TENM3: variants seen among roughly 807,000 people sequenced by gnomAD.
TENM3 encodes the protein teneurin transmembrane protein 3, also known as teneurin-3.
Under a neutral mutation model 255.1 loss-of-function variants are expected in TENM3, and 63 were observed. The ratio of observed to expected loss-of-function variants is 0.25; its 90% confidence interval spans 0.20 to 0.30. TENM3 has a LOEUF of 0.30. Among genes scored for constraint, TENM3 ranks in the 10% least tolerant of loss-of-function variants. TENM3 has a pLI of 1.00. For missense variants in TENM3, 2,929 were observed against 3,461.1 expected (o/e 0.85, Z 3.86); for synonymous variants, 1,306 against 1,322.3 (o/e 0.99, Z 0.27).
chr4:181,957,831 T>G, the TENM3 span, among the ~76,000 whole-genome samples: 2 of 152,308 alleles, frequency 1.3e-5, no homozygotes, highest in African/African-American at 4.8e-5. Context: ...ACCTTGTGGC[T>G]CAGCGCACTA....
At chr4:182,232,643 C>T (rs966318310) in intron 1 of TENM3, among the ~76,000 whole-genome samples, 4 of 151,864 alleles carry the variant, frequency 2.6e-5, no homozygotes, top group Admixed American at 6.6e-5. Flanking sequence ...TTGCAGTGAG[C>T]GGAGATCGCG....
chr4:182,439,970 G>T (rs553427927), intron 3 of TENM3, among the ~76,000 whole-genome samples: 11 of 152,182 alleles, frequency 7.2e-5, no homozygotes, highest in African/African-American at 2.4e-4. Flanking sequence ...CAAGATTCCA[G>T]CTTGGCTGGT....
chr4:182,621,398 G>T (rs1273929438), intron 4 of TENM3, among the ~76,000 whole-genome samples: 1 of 151,016 alleles, frequency 6.6e-6, no homozygotes, highest in Non-Finnish European at 1.5e-5. Context: ...AATCTCAAAA[G>T]TACCTCTTCT....
intron 4 of TENM3, among the ~76,000 whole-genome samples, chr4:182,620,009 T>A (rs1489491889): frequency 6.6e-6 from 1 of 152,148 alleles, no homozygotes; most frequent in African/African-American, 2.4e-5. Context: ...GTAAAGAAAA[T>A]TTCTGCCTTT....
intron 3 of TENM3, among the ~76,000 whole-genome samples, chr4:182,386,887 G>A (rs1767978355): frequency 6.6e-6 from 1 of 152,228 alleles, no homozygotes; most frequent in Non-Finnish European, 1.5e-5. Context: ...GCCGCCCCCT[G>A]TTCCACGGCG....
the TENM3 span, among the ~76,000 whole-genome samples, chr4:181,986,758 A>G: frequency 1.3e-5 from 2 of 152,088 alleles, no homozygotes; most frequent in Non-Finnish European, 2.9e-5. Context: ...CATATCCAGA[A>G]CTACAAAATC....
the TENM3 span, among the ~76,000 whole-genome samples, chr4:181,581,941 C>G: frequency 6.6e-6 from 1 of 152,110 alleles, no homozygotes; most frequent in Non-Finnish European, 1.5e-5. Context: ...CCATGTTACC[C>G]AGGCTGGTCT....
At chr4:182,217,478 C>T (rs911190227) in intron 1 of TENM3, among the ~76,000 whole-genome samples, 1 of 152,170 alleles carries the variant, frequency 6.6e-6, no homozygotes, top group Non-Finnish European at 1.5e-5. Flanking sequence ...GAACCCCTCG[C>T]CTAACCTAGT....
At chr4:181,902,257 C>T in the TENM3 span, among the ~76,000 whole-genome samples, 1 of 151,220 alleles carries the variant, frequency 6.6e-6, no homozygotes, top group African/African-American at 2.4e-5. Flanking sequence ...GGATATTAGA[C>T]CTTTATCAGA....
At chr4:181,469,339 T>C in the TENM3 span, among the ~76,000 whole-genome samples, 2 of 152,172 alleles carry the variant, frequency 1.3e-5, no homozygotes, top group Admixed American at 1.3e-4. Context: ...TCCATATATA[T>C]AATATGAATT....
chr4:181,737,664 A>C, the TENM3 span, among the ~76,000 whole-genome samples: 4 of 152,112 alleles, frequency 2.6e-5, no homozygotes, highest in Non-Finnish European at 4.4e-5. Context: ...AGATAATTTA[A>C]GGATTCCTTG....
chr4:182,623,727 A>C (rs4458491), intron 4 of TENM3, among the ~76,000 whole-genome samples: 77,619 of 152,004 alleles, frequency 0.51, 21,187 homozygotes, highest in Non-Finnish European at 0.63. Flanking sequence ...TGAGCACAGC[A>C]GGGAGCTTCT....
rs1397875171 is a variant in TENM3, at chr4:182,731,131, G to A, written c.2959G>A (p.Glu987Lys). Residue 987 changes from glutamate (E) to lysine (K), a missense_variant, in exon 16 of 28, where the codon GAA becomes AAA. By Grantham distance (56) the Glu-to-Lys change is moderately conservative. This residue lies in a region of TENM3 where 1,608 missense variants were observed against 1,884.4 expected (regional missense o/e 0.85). Transcript: ENST00000511685. ...SSPEDSPIIP[E>K]TQVLHEETTI... ...TCCTGAAGACAGTCCCATCATTCCC[G>A]AAACACAGGTAAAATATTCTCACAG... 2.5e-6 allele frequency: 4 copies of A among 1,613,052 alleles called. No individual in the cohort carries two copies. The highest frequency in any genetic ancestry group is 1.7e-5 in the Admixed American group (1 of 59,996).
chr4:182,792,897 G>A lies in TENM3; in HGVS notation c.6225G>A (p.Met2075Ile), dbSNP rs759907837. ...ACCAGATCATTTCTACAGCTGTAAT[G>A]ACCTATACGAAGCACTTTGATGCTC... is the stretch of plus-strand genomic sequence containing the variant. ...DINQIISTAV[M>I]TYTKHFDAHG... Residue 2075 changes from methionine (M) to isoleucine (I), a missense_variant, in exon 26 of 28, where the codon ATG (methionine) becomes ATA (isoleucine). Physicochemically the swap from Met to Ile is conservative, Grantham distance 10 (BLOSUM62 1). Coordinates refer to ENST00000511685, the MANE Select transcript of TENM3 (RefSeq NM_001080477.4). This position sits in a 1 kb window ranked among gnomAD's most constrained non-coding sequence, Gnocchi z 6.3. 6.8e-6 allele frequency: 11 copies of A among 1,613,766 alleles called. No individual in the cohort carries two copies. Among genetic ancestry groups the A allele is most frequent in the Non-Finnish European group, 9.3e-6 (11 of 1,179,856 alleles).
At chr4:182,455,654 C>T (rs550485510) in intron 3 of TENM3, among the ~76,000 whole-genome samples, 122 of 145,818 alleles carry the variant, frequency 8.4e-4, no homozygotes, top group African/African-American at 2.9e-3. Context: ...CTCCGCCTCC[C>T]GGGTTCAAGC....
the TENM3 span, among the ~76,000 whole-genome samples, chr4:181,562,725 A>G: frequency 6.7e-6 from 1 of 150,296 alleles, no homozygotes. Context: ...CACCCAGGCT[A>G]GAGCAGTGCC....
chr4:182,648,844 C>G (rs1001819394), intron 5 of TENM3, among the ~76,000 whole-genome samples: 2 of 152,070 alleles, frequency 1.3e-5, no homozygotes, highest in African/African-American at 4.8e-5. Context: ...TGTGTGACTG[C>G]TTTCTTTTGC....
chr4:182,007,251 T>C, the TENM3 span, among the ~76,000 whole-genome samples: 12 of 152,308 alleles, frequency 7.9e-5, no homozygotes, highest in Non-Finnish European at 1.6e-4. Context: ...GTCCACTTGA[T>C]ACAGAGCTAA....
At chr4:182,095,281 C>A in the TENM3 span, among the ~76,000 whole-genome samples, 4 of 152,112 alleles carry the variant, frequency 2.6e-5, no homozygotes, top group Admixed American at 6.5e-5. Context: ...AACCTAAGTA[C>A]CCATCAACAG....
Sources: gnomAD v4.1 joint callset for allele counts (sites outside exome capture counted in the v4.1 genomes callset) on GRCh38, gnomAD v4.1.1 for gene constraint, gnomAD v4.1.1 regional missense constraint, Gnocchi (gnomAD v3.1) non-coding constraint, MANE v1.5 for transcripts, NCBI Gene and HGNC (gene_info 2026-07-23, HGNC 2026-07-21) for gene names.